The following TENM2 variants were observed in gnomAD, a reference collection of about 807,000 sequenced individuals.
TENM2 encodes the protein teneurin-2.
Under a neutral mutation model 245.2 loss-of-function variants are expected in TENM2, and 52 were observed. The ratio of observed to expected loss-of-function variants is 0.21; its 90% CI spans 0.17 to 0.27. The LOEUF is 0.27. Among genes scored for constraint, TENM2 ranks in the 10% least tolerant of loss-of-function variants. The pLI is 1.00. For synonymous variants in TENM2, 1,363 were observed against 1,438.9 expected (o/e 0.95, Z 1.19); for missense variants, 3,046 against 3,666.8 (o/e 0.83, Z 4.37).
Position 167,307,035 on chromosome 5 carries a change from A to C in TENM2, c.226+21972A>C, listed in dbSNP as rs572508301. 7.2e-5 allele frequency among the ~76,000 whole-genome samples: 11 copies of C among 152,332 alleles called. 1 individual carries two copies. In the East Asian group the frequency reaches 2.1e-3, roughly 29 times the overall value. On this transcript the variant is annotated intron_variant, in intron 1 of 28. Coordinates refer to ENST00000518659, the Ensembl canonical transcript of TENM2. ...AGTGGCTGGTGATCTTAGGTGCAAG[A>C]AAGTCTGTTGACTGACTATGTGAAA...
intron 2 of TENM2, among the ~76,000 whole-genome samples, chr5:167,483,000 T>A (rs1242296412): frequency 6.6e-6 from 1 of 152,238 alleles, no homozygotes; most frequent in Admixed American, 6.5e-5. Context: ...CTTTCACTTT[T>A]CAAAATATCA....
chr5:167,600,805 A>G (rs1561589507), intron 2 of TENM2, among the ~76,000 whole-genome samples: 1 of 152,186 alleles, frequency 6.6e-6, no homozygotes, highest in Non-Finnish European at 1.5e-5. Flanking sequence ...AGATCCACAT[A>G]TGTTAAGGGT....
chr5:167,607,023 A>G (rs1039709719), intron 2 of TENM2, among the ~76,000 whole-genome samples: 5 of 152,250 alleles, frequency 3.3e-5, no homozygotes, highest in Admixed American at 2.0e-4. Context: ...CAGGAAGGCA[A>G]TCCAGCAAGA....
chr5:167,172,211 C>T, the TENM2 span, among the ~76,000 whole-genome samples: 16 of 152,172 alleles, frequency 1.1e-4, no homozygotes, highest in African/African-American at 3.4e-4. Flanking sequence ...CCAAAATAGA[C>T]CATTTGGAAG....
intron 12 of TENM2, among the ~76,000 whole-genome samples, chr5:168,149,600 T>C (rs1756460785): frequency 6.6e-6 from 1 of 152,172 alleles, no homozygotes; most frequent in Non-Finnish European, 1.5e-5. Context: ...CCACCCTGGC[T>C]TACCCAGATG....
intron 2 of TENM2, among the ~76,000 whole-genome samples, chr5:167,640,345 C>T (rs577335034): frequency 1.3e-4 from 20 of 152,196 alleles, no homozygotes; most frequent in East Asian, 5.8e-4. Flanking sequence ...TGGCCGGGCG[C>T]GGTGGTTCAT....
chr5:168,121,586 A>T (rs1269155302), intron 10 of TENM2, among the ~76,000 whole-genome samples: 1 of 152,132 alleles, frequency 6.6e-6, no homozygotes, highest in African/African-American at 2.4e-5. Context: ...ATCTCTGTGG[A>T]TTTTCCTCCT....
chr5:167,378,512 CT>C (rs1456552312), intron 2 of TENM2, among the ~76,000 whole-genome samples: 6 of 151,322 alleles, frequency 4.0e-5, no homozygotes, highest in Non-Finnish European at 1.5e-5. Flanking sequence ...TTCATGTTAT[CT>C]TTTCAGGTTC....
At chr5:167,408,661 T>C (rs1762752117) in intron 2 of TENM2, among the ~76,000 whole-genome samples, 1 of 151,938 alleles carries the variant, frequency 6.6e-6, no homozygotes, top group Admixed American at 6.6e-5. Flanking sequence ...ATTCAGTCTT[T>C]AGTTAATAAT....
the TENM2 span, among the ~76,000 whole-genome samples, chr5:167,023,569 C>A: frequency 1.3e-5 from 2 of 152,128 alleles, no homozygotes; most frequent in East Asian, 3.8e-4. Context: ...AAATGTCATT[C>A]TTTTGTTCCT....
At chr5:167,231,279 A>G in the TENM2 span, among the ~76,000 whole-genome samples, 1,831 of 152,310 alleles carry the variant, frequency 0.012, 22 homozygotes, top group Middle Eastern at 0.034. Flanking sequence ...AGGGTGGAAC[A>G]ATTTGGAGGA....
intron 8 of TENM2, among the ~76,000 whole-genome samples, chr5:168,094,257 T>C (rs1793178908): frequency 6.6e-6 from 1 of 151,992 alleles, no homozygotes; most frequent in Admixed American, 6.6e-5. Flanking sequence ...AGTGAAGCCC[T>C]CCAGCCAAGC....
chr5:167,786,627 C>T (rs1764595439), intron 2 of TENM2, among the ~76,000 whole-genome samples: 1 of 152,174 alleles, frequency 6.6e-6, no homozygotes, highest in African/African-American at 2.4e-5. Context: ...TGGAAACTCC[C>T]CACTGAACCT....
intron 2 of TENM2, among the ~76,000 whole-genome samples, chr5:167,787,484 A>G (rs1463260589): frequency 6.6e-6 from 1 of 152,218 alleles, no homozygotes; most frequent in Non-Finnish European, 1.5e-5. Context: ...CCATGTAGAA[A>G]CAGGATGGAT....
chr5:167,875,020 G>T (rs539723946), intron 2 of TENM2, among the ~76,000 whole-genome samples: 1 of 152,296 alleles, frequency 6.6e-6, no homozygotes, highest in Admixed American at 6.5e-5. Flanking sequence ...AATGAGTCTA[G>T]TTTTAGAGTA....
the TENM2 span, among the ~76,000 whole-genome samples, chr5:167,111,653 A>G: frequency 2.0e-5 from 3 of 152,332 alleles, no homozygotes; most frequent in Non-Finnish European, 4.4e-5. Flanking sequence ...CAAACAACAA[A>G]TGCAAATTTC....
intron 2 of TENM2, among the ~76,000 whole-genome samples, chr5:167,705,526 G>A (rs1390022886): frequency 6.6e-6 from 1 of 152,032 alleles, no homozygotes; most frequent in African/African-American, 2.4e-5. Flanking sequence ...ATCTATTTCT[G>A]AATATAGAGG....
intron 6 of TENM2, among the ~76,000 whole-genome samples, chr5:168,061,222 C>G (rs1178976408): frequency 2.6e-5 from 4 of 151,966 alleles, no homozygotes; most frequent in Non-Finnish European, 5.9e-5. Context: ...GACTTTTTTT[C>G]CCCATTTTAG....
At chr5:168,232,675 C>A (rs1296782211) in intron 25 of TENM2, among the ~76,000 whole-genome samples, 1 of 152,198 alleles carries the variant, frequency 6.6e-6, no homozygotes, top group East Asian at 1.9e-4. Context: ...AGAAGACCAA[C>A]AATCTCAGTG....
Sources: allele counts gnomAD v4.1 joint callset (sites outside exome capture counted in the v4.1 genomes callset), GRCh38; gene constraint gnomAD v4.1.1; transcripts MANE v1.5; gene names NCBI Gene and HGNC (gene_info 2026-07-23, HGNC 2026-07-21).